The following RASEF variants were observed in gnomAD, a reference collection of about 807,000 sequenced individuals.
RASEF encodes the protein ras and EF-hand domain-containing protein.
In RASEF, 68 loss-of-function variants were observed where a neutral mutation model predicts 90.1. The observed-to-expected ratio is 0.75, with a 90% confidence interval of 0.62 to 0.92. The LOEUF (loss-of-function observed/expected upper bound fraction) is 0.92. RASEF is among the 40% of genes least tolerant of loss of function. The probability of loss-of-function intolerance (pLI) is 0.00; values close to 1 mark genes in which losing one functional copy is unlikely to be tolerated. For synonymous variants in RASEF, 331 were observed against 345.2 expected, an observed-to-expected ratio of 0.96 and a Z score of 0.46; for missense variants, 949 against 937.2, an observed-to-expected ratio of 1.01 and a Z score of -0.16.
chr9:83,104,027 T>A, the RASEF span, among the ~76,000 whole-genome samples: 1 of 152,168 alleles, frequency 6.6e-6, no homozygotes, highest in Non-Finnish European at 1.5e-5. Flanking sequence ...GGTTAAAACA[T>A]CTTTCAGAAA....
intron 1 of RASEF, among the ~76,000 whole-genome samples, chr9:83,058,348 A>T (rs1830139922): frequency 6.7e-6 from 1 of 150,130 alleles, no homozygotes; most frequent in African/African-American, 2.5e-5. Context: ...ACGCCCGGCT[A>T]ATTTTTTGTA....
the RASEF span, among the ~76,000 whole-genome samples, chr9:83,140,598 A>G: frequency 1.3e-5 from 2 of 152,190 alleles, no homozygotes; most frequent in African/African-American, 2.4e-5. Flanking sequence ...TATGGGTCCT[A>G]TCAGCTGGCA....
Position 83,062,797 on chromosome 9 carries a change from C to A in RASEF, c.71G>T (p.Arg24Leu). 3 of 1,555,810 alleles carry A rather than the reference C, an allele frequency of 1.9e-6. No homozygotes were observed. The highest frequency in any genetic ancestry group is 2.6e-6 in the Non-Finnish European group (3 of 1,160,986). The change falls in exon 1 of 17, where the codon CGC becomes CTC. Residue 24 changes from arginine to leucine, a missense_variant. Coordinates refer to ENST00000376447, the MANE Select transcript of RASEF (RefSeq NM_152573.4). ...RSVFAACDAN[R>L]SGRLEREEFR... ...CTCCTCGCGCTCCAGGCGCCCCGAG[C>A]GGTTCGCGTCGCAGGCGGCGAAGAC...
At chr9:83,091,968 C>G in the RASEF span, among the ~76,000 whole-genome samples, 796 of 126,350 alleles carry the variant, frequency 6.3e-3, 6 homozygotes, top group African/African-American at 0.022. Context: ...TAAGATCCAG[C>G]TATGTTACAT....
the RASEF span, among the ~76,000 whole-genome samples, chr9:83,186,085 G>A: frequency 2.6e-5 from 4 of 152,120 alleles, no homozygotes; most frequent in African/African-American, 9.7e-5. Context: ...GCAACCATTT[G>A]CATAAGAAAG....
At chr9:83,161,101 C>A in the RASEF span, among the ~76,000 whole-genome samples, 4 of 152,084 alleles carry the variant, frequency 2.6e-5, no homozygotes, top group African/African-American at 4.8e-5. Context: ...GGGTCTGAGC[C>A]CCCCCCACAG....
the RASEF span, among the ~76,000 whole-genome samples, chr9:83,088,259 A>T: frequency 3.9e-5 from 6 of 152,120 alleles, no homozygotes; most frequent in Admixed American, 3.9e-4. Flanking sequence ...GTAGATATCT[A>T]TATATCTCTA....
upstream of RASEF, among the ~76,000 whole-genome samples, chr9:83,066,167 C>T (rs1375122965): frequency 2.6e-5 from 4 of 152,222 alleles, no homozygotes; most frequent in Non-Finnish European, 5.9e-5. Flanking sequence ...CCCAAATAAG[C>T]CACACTTCAT....
chr9:83,126,890 C>T, the RASEF span, among the ~76,000 whole-genome samples: 1 of 152,084 alleles, frequency 6.6e-6, no homozygotes, highest in South Asian at 2.1e-4. Flanking sequence ...GCCAGAAAGA[C>T]ACAGAAACAG....
chr9:83,106,576 G>C, the RASEF span, among the ~76,000 whole-genome samples: 1 of 152,094 alleles, frequency 6.6e-6, no homozygotes, highest in South Asian at 2.1e-4. Context: ...GTAACAGCTT[G>C]ACCCTGGGCT....
At chr9:83,127,663 C>A in the RASEF span, among the ~76,000 whole-genome samples, 1 of 152,056 alleles carries the variant, frequency 6.6e-6, no homozygotes, top group Non-Finnish European at 1.5e-5. Context: ...ATTTCCAAAG[C>A]GCCACAGATG....
At chr9:83,206,575 A>G in the RASEF span, among the ~76,000 whole-genome samples, 1 of 152,222 alleles carries the variant, frequency 6.6e-6, no homozygotes, top group East Asian at 1.9e-4. Flanking sequence ...TTGGTCTGAC[A>G]AAATACAACA....
chr9:82,987,786 T>G (rs1199606215), intron 16 of RASEF, among the ~76,000 whole-genome samples: 2 of 152,216 alleles, frequency 1.3e-5, no homozygotes, highest in African/African-American at 4.8e-5. Flanking sequence ...ATCATTTCCT[T>G]TAGGCCCCTC....
chr9:82,984,433 G>A (rs1439090553), intron 16 of RASEF, among the ~76,000 whole-genome samples: 1 of 152,170 alleles, frequency 6.6e-6, no homozygotes, highest in African/African-American at 2.4e-5. Context: ...CCACTGCACT[G>A]TGAATTGGAA....
At chr9:83,178,196 C>T in the RASEF span, among the ~76,000 whole-genome samples, 10 of 152,006 alleles carry the variant, frequency 6.6e-5, no homozygotes, top group African/African-American at 2.4e-4. Context: ...TATTGTTTAC[C>T]TCTTCAGGGG....
chr9:82,999,984 GACACACACACACACACACACACACACAC>G (rs55873985), intron 12 of RASEF, among the ~76,000 whole-genome samples, 157 bp downstream of exon 12: 2 of 141,112 alleles, frequency 1.4e-5, no homozygotes, highest in South Asian at 2.4e-4. Flanking sequence ...TAGACTAGGA[GACACACACACACACACACACACACACAC>G]ACACACACAC....
At chr9:83,182,909 G>A in the RASEF span, among the ~76,000 whole-genome samples, 5 of 152,174 alleles carry the variant, frequency 3.3e-5, no homozygotes, top group South Asian at 1.0e-3. Context: ...TGCAATATAT[G>A]CAACAAAAGG....
At chr9:83,013,546 A>C (rs1488072013) in intron 4 of RASEF, among the ~76,000 whole-genome samples, 1 of 152,236 alleles carries the variant, frequency 6.6e-6, no homozygotes, top group African/African-American at 2.4e-5. Context: ...AATTGTAACA[A>C]ATTTGTAAAC....
chr9:83,062,727 G>A lies in RASEF; in HGVS notation c.141C>T (p.Ala47=), dbSNP rs751472035. ...CGTCCAGCCGCTGGAATACTGCCTC[G>A]GCGTCGGCCGGCCGCACCCGCAGCT... ...CTELRVRPAD[A]EAVFQRLDAD... Residue 47 remains alanine (A), a synonymous_variant, in exon 1 of 17, where the codon GCC becomes GCT. Coordinates refer to ENST00000376447, the MANE Select transcript of RASEF (RefSeq NM_152573.4). 5 of 1,572,756 alleles carry A rather than the reference G, an allele frequency of 3.2e-6. No homozygotes were observed. In the South Asian group the frequency reaches 3.4e-5, roughly 11 times the overall value.
Sources: gnomAD v4.1 joint callset for allele counts (sites outside exome capture counted in the v4.1 genomes callset) on GRCh38, gnomAD v4.1.1 for gene constraint, MANE v1.5 for transcripts, NCBI Gene and HGNC (gene_info 2026-07-23, HGNC 2026-07-21) for gene names.